PMM2: variants seen among roughly 807,000 people sequenced by gnomAD.
The protein encoded by PMM2 is mannose-6-phosphate isomerase.
Under a neutral mutation model 33.2 loss-of-function variants are expected in PMM2, and 35 were observed. That is an observed-to-expected ratio of 1.06 (90% CI 0.81 to 1.40). The LOEUF is 1.40. PMM2 is among the 40% of genes most tolerant of loss of function. The pLI, the probability that PMM2 is intolerant of heterozygous loss-of-function variation, is 0.00. For missense variants in PMM2, 386 were observed against 306.0 expected, an observed-to-expected ratio of 1.26 and a Z score of -1.95; for synonymous variants, 153 against 114.7, an observed-to-expected ratio of 1.33 and a Z score of -2.13.
At chr16:8,846,030 G>A (rs956534728) in intron 7 of PMM2, among the ~76,000 whole-genome samples, 5 of 152,124 alleles carry the variant, frequency 3.3e-5, no homozygotes, top group African/African-American at 7.2e-5. Flanking sequence ...CTGTCTGAAG[G>A]CCCCCAGGCC....
chr16:8,840,287 G>C (rs1461473527), intron 7 of PMM2, among the ~76,000 whole-genome samples: 1 of 151,958 alleles, frequency 6.6e-6, no homozygotes, highest in Non-Finnish European at 1.5e-5. Context: ...ATTGGAGGGT[G>C]CCTTGCCAGC....
chr16:8,818,210 A>G (rs2060718722), intron 7 of PMM2, among the ~76,000 whole-genome samples: 3 of 149,996 alleles, frequency 2.0e-5, no homozygotes, highest in Admixed American at 2.0e-4. Context: ...CGCAAAGAAG[A>G]TTTTTAATGG....
chr16:8,835,173 C>T (rs1196618607), intron 7 of PMM2, among the ~76,000 whole-genome samples: 2 of 150,058 alleles, frequency 1.3e-5, no homozygotes, highest in East Asian at 1.9e-4. Context: ...GACAGAAAGG[C>T]TACAGGGTGT....
intron 7 of PMM2, among the ~76,000 whole-genome samples, chr16:8,823,996 G>A (rs1233676484): frequency 1.3e-5 from 2 of 152,158 alleles, no homozygotes; most frequent in African/African-American, 4.8e-5. Context: ...AAAACAGATT[G>A]TTACTGCCCT....
intron 6 of PMM2, 46 bp downstream of exon 6, chr16:8,811,759 C>T (rs1283628913): frequency 1.5e-6 from 2 of 1,336,700 alleles, no homozygotes; most frequent in Non-Finnish European, 2.2e-6. Flanking sequence ...ACCCATTTCC[C>T]AGAGTTTGTT....
At chr16:8,811,587 C>T (rs756499613) in intron 5 of PMM2, 51 bp from the exon 6 acceptor site, 5 of 1,154,400 alleles carry the variant, frequency 4.3e-6, no homozygotes, top group African/African-American at 3.0e-5. Context: ...TAAAACTGTG[C>T]TTTCTAAACT....
intron 7 of PMM2, among the ~76,000 whole-genome samples, chr16:8,839,080 A>T (rs1043488131): frequency 6.6e-6 from 1 of 152,020 alleles, no homozygotes; most frequent in Admixed American, 6.5e-5. Flanking sequence ...AATGCCTGCT[A>T]TTCCAGTACC....
At chr16:8,811,876 C>T (rs2060679920) in intron 6 of PMM2, among the ~76,000 whole-genome samples, 163 bp downstream of exon 6, 1 of 152,184 alleles carries the variant, frequency 6.6e-6, no homozygotes, top group Non-Finnish European at 1.5e-5. Context: ...CTCTTTTCTG[C>T]ATAATTAGCC....
intron 7 of PMM2, among the ~76,000 whole-genome samples, chr16:8,840,704 G>C (rs1001342481): frequency 1.3e-5 from 2 of 151,532 alleles, no homozygotes; most frequent in African/African-American, 4.9e-5. Context: ...GATGGACACA[G>C]CTTTATTCTG....
chr16:8,817,309 C>G (rs1056101347), intron 7 of PMM2, among the ~76,000 whole-genome samples: 8 of 152,338 alleles, frequency 5.3e-5, no homozygotes, highest in African/African-American at 2.4e-5. Flanking sequence ...AGATCACCGT[C>G]TGACTTCATG....
intron 7 of PMM2, among the ~76,000 whole-genome samples, chr16:8,831,287 A>G (rs2060808250): frequency 6.6e-6 from 1 of 152,270 alleles, no homozygotes; most frequent in Non-Finnish European, 1.5e-5. Context: ...TTTCTCAGTT[A>G]TAATTTTTGC....
At chr16:8,845,150 T>C (rs1362555803) in intron 7 of PMM2, among the ~76,000 whole-genome samples, 1 of 152,200 alleles carries the variant, frequency 6.6e-6, no homozygotes, top group African/African-American at 2.4e-5. Context: ...TGGTGGATTA[T>C]CATTAGTTCT....
rs1418287203 is a variant in PMM2 at position 8,848,396 on chromosome 16, GCACTCTGCGTT to G, written c.*572_*582del. The G allele has an allele frequency of 1.2e-5, 2 of 168,150 alleles. No individual in the cohort carries two copies. The highest frequency in any genetic ancestry group is 2.4e-5 in the African/African-American group (1 of 41,790). The allele number at this position is 168,150 out of a possible 1,614,324, so 10.4% of individuals were successfully genotyped here. ...GCAGTGTGATACCCAGTGACTAGAC[GCACTCTGCGTT>G]TTCCCGTGTTTGGGGCTGAGGCCTG... On this transcript the variant is annotated 3_prime_UTR_variant, in exon 8 of 8. Coordinates refer to ENST00000268261, the MANE Select transcript of PMM2 (RefSeq NM_000303.3).
intron 7 of PMM2, among the ~76,000 whole-genome samples, chr16:8,823,127 C>G (rs1042790775): frequency 9.8e-5 from 15 of 152,296 alleles, no homozygotes; most frequent in South Asian, 2.1e-4. Flanking sequence ...AGTTAAACAG[C>G]TGTTTCCATT....
intron 4 of PMM2, chr16:8,810,464 G>A (rs34051612): frequency 0.094 from 14,389 of 153,446 alleles, 880 homozygotes; most frequent in Non-Finnish European, 0.13. Flanking sequence ...TAGAAAGTGA[G>A]CTATGTATAA....
intron 7 of PMM2, among the ~76,000 whole-genome samples, chr16:8,845,795 C>CT (rs5815503): frequency 0.041 from 5,727 of 140,028 alleles, 134 homozygotes; most frequent in Non-Finnish European, 0.058. Context: ...TGAAAGAAAT[C>CT]TTTTTTTTTT....
chr16:8,836,143 G>C (rs1282171397), intron 7 of PMM2, among the ~76,000 whole-genome samples: 1 of 147,118 alleles, frequency 6.8e-6, no homozygotes, highest in African/African-American at 2.5e-5. Context: ...ACAGGCCCTT[G>C]AAAAGAAGGT....
rs138927806 is a variant in PMM2, at chr16:8,843,360, C to T, written c.640-4364C>T. Among the ~76,000 whole-genome samples, 294 of 152,214 alleles carry T rather than the reference C, an allele frequency of 1.9e-3. 4 individuals are homozygous for T. In the East Asian group the frequency reaches 0.026, roughly 13 times the overall value. On this transcript the variant is annotated intron_variant, in intron 7 of 7. Transcript: ENST00000268261. ...CGATTGGGCAGCGTCAATCTTCAGC[C>T]GCTAAGCCAAGGAGTCAGTCAGAGA... is the stretch of plus-strand genomic sequence containing the variant.
At chr16:8,831,783 G>C (rs2060811298) in intron 7 of PMM2, among the ~76,000 whole-genome samples, 1 of 152,194 alleles carries the variant, frequency 6.6e-6, no homozygotes, top group Admixed American at 6.5e-5. Context: ...CCAACACTAT[G>C]CCTTCTGTTT....
Sources: allele counts gnomAD v4.1 joint callset (sites outside exome capture counted in the v4.1 genomes callset), GRCh38; gene constraint gnomAD v4.1.1; transcripts MANE v1.5; gene names NCBI Gene and HGNC (gene_info 2026-07-23, HGNC 2026-07-21).